The following PPP2R3A variants were observed in gnomAD, a reference collection of about 807,000 sequenced individuals.
The protein encoded by PPP2R3A is serine/threonine-protein phosphatase 2A regulatory subunit B'' subunit alpha.
PPP2R3A carries 80 observed loss-of-function variants against 106.9 expected under a neutral mutation model. The ratio of observed to expected loss-of-function variants is 0.75; its 90% CI spans 0.62 to 0.90. The LOEUF is 0.90. Ranked by LOEUF, PPP2R3A falls within the 40% of genes least tolerant of loss-of-function variation. PPP2R3A has a pLI of 0.00. For missense variants in PPP2R3A, 1,386 were observed against 1,350.4 expected (o/e 1.03, Z -0.41); for synonymous variants, 483 against 468.3 (o/e 1.03, Z -0.41).
chr3:136,001,477 A>G lies in PPP2R3A; in HGVS notation c.-22A>G. On this transcript the variant is annotated 5_prime_UTR_variant, in exon 2 of 14. Coordinates refer to ENST00000264977, the MANE Select transcript of PPP2R3A (RefSeq NM_002718.5). Reference sequence around the variant, plus strand: ...CAAGTTCTAGAAAGTTCCAAGTCCCACCAGTAAGTGGATTTGATATTATGG... The same window carrying G: ...CAAGTTCTAGAAAGTTCCAAGTCCCGCCAGTAAGTGGATTTGATATTATGG... 1 of 1,592,340 alleles carries G rather than the reference A, an allele frequency of 6.3e-7. No homozygotes were observed. Among genetic ancestry groups the G allele is most frequent in the Middle Eastern group, 1.7e-4 (1 of 5,952 alleles).
chr3:136,003,139 C>G lies in PPP2R3A; in HGVS notation c.1641C>G (p.Thr547=). Residue 547 remains threonine, a synonymous_variant, in exon 2 of 14, where the codon ACC becomes ACG. Transcript: ENST00000264977. ...TTTTAAATAGTCACAGTCAGTTGAC[C>G]GGTCAGACCCTTGTAGATCTTGAGC... is the stretch of plus-strand genomic sequence containing the variant. ...SNFLNSHSQL[T]GQTLVDLEPK... is the part of the protein sequence containing the mutation. 1.2e-6 allele frequency: 2 copies of G among 1,612,824 alleles called. No individual in the cohort carries two copies. Among genetic ancestry groups the G allele is most frequent in the Non-Finnish European group, 1.7e-6 (2 of 1,179,586 alleles).
chr3:136,117,069 T>G (rs967266196), intron 13 of PPP2R3A, among the ~76,000 whole-genome samples: 1 of 152,136 alleles, frequency 6.6e-6, no homozygotes, highest in Non-Finnish European at 1.5e-5. Context: ...AAATTAGAAC[T>G]CGGGATTAAG....
chr3:136,137,144 C>T (rs1938652115), intron 13 of PPP2R3A, among the ~76,000 whole-genome samples: 1 of 152,084 alleles, frequency 6.6e-6, no homozygotes, highest in African/African-American at 2.4e-5. Context: ...CAATGGAGTA[C>T]ATTAAAAACA....
chr3:136,128,609 A>G (rs756245121), intron 13 of PPP2R3A, among the ~76,000 whole-genome samples: 3 of 152,210 alleles, frequency 2.0e-5, no homozygotes, highest in African/African-American at 4.8e-5. Flanking sequence ...AGACAGATCA[A>G]TGAGACAGAA....
intron 3 of PPP2R3A, among the ~76,000 whole-genome samples, chr3:136,030,484 T>G (rs148643270): frequency 0.012 from 1,897 of 152,088 alleles, 45 homozygotes; most frequent in African/African-American, 0.043. Context: ...TTTGTGAGAT[T>G]TTGGTGCATC....
intron 11 of PPP2R3A, 50 bp from the exon 12 acceptor site, chr3:136,103,208 G>A: frequency 2.3e-6 from 3 of 1,308,076 alleles, no homozygotes; most frequent in Non-Finnish European, 3.2e-6. Context: ...TTTTCCTCTT[G>A]CCAAAACAGC....
At chr3:135,995,336 C>T (rs574522959) in intron 1 of PPP2R3A, among the ~76,000 whole-genome samples, 1 of 151,894 alleles carries the variant, frequency 6.6e-6, no homozygotes, top group Admixed American at 6.6e-5. Flanking sequence ...GATTATAAAA[C>T]TCATTATTTC....
At chr3:136,041,673 A>AT (rs58859041) in intron 4 of PPP2R3A, among the ~76,000 whole-genome samples, 100,368 of 152,006 alleles carry the variant, frequency 0.66, 35,259 homozygotes, top group African/African-American at 0.9. Context: ...TCATTCCCAT[A>AT]GATCCAATTT....
At chr3:135,969,541 A>G (rs912363598) in intron 1 of PPP2R3A, among the ~76,000 whole-genome samples, 2 of 152,204 alleles carry the variant, frequency 1.3e-5, no homozygotes, top group African/African-American at 2.4e-5. Context: ...GAGATTTTCA[A>G]GTGAGAGGTC....
intron 1 of PPP2R3A, among the ~76,000 whole-genome samples, chr3:135,986,277 A>G (rs1006136175): frequency 1.3e-5 from 2 of 152,104 alleles, no homozygotes; most frequent in Admixed American, 6.6e-5. Flanking sequence ...TTAAGTTTTC[A>G]GGAGGTAGAA....
intron 13 of PPP2R3A, among the ~76,000 whole-genome samples, chr3:136,126,300 G>A (rs1938178495): frequency 6.6e-6 from 1 of 152,242 alleles, no homozygotes; most frequent in Admixed American, 6.5e-5. Flanking sequence ...CTTAGCAACT[G>A]GCAGACAAGG....
In PPP2R3A at chr3:136,001,606, C is replaced by T; in HGVS notation, c.108C>T (p.His36=). Residue 36 remains histidine (H), a synonymous_variant, in exon 2 of 14, where the codon CAC becomes CAT. Transcript: ENST00000264977. The part of the protein sequence containing the change: ...QAIHYCTGTC[H]TFTHGIDCIV... Reference sequence around the variant, plus strand: ...TACATTATTGCACTGGAACCTGCCACACCTTCACACATGGAATTGACTGCA... The same window carrying T: ...TACATTATTGCACTGGAACCTGCCATACCTTCACACATGGAATTGACTGCA... 6.2e-7 allele frequency: 1 copy of T among 1,614,174 alleles called. No homozygotes were observed. The highest frequency in any genetic ancestry group is 8.5e-7 in the Non-Finnish European group (1 of 1,180,016).
chr3:136,078,153 AT>A (rs960061189), intron 6 of PPP2R3A, among the ~76,000 whole-genome samples: 2 of 152,104 alleles, frequency 1.3e-5, no homozygotes, highest in Non-Finnish European at 2.9e-5. Flanking sequence ...TGAGCAGAGA[AT>A]TTTTTTTATT....
chr3:136,081,781 A>T (rs1168425070), intron 7 of PPP2R3A, among the ~76,000 whole-genome samples: 1 of 152,202 alleles, frequency 6.6e-6, no homozygotes, highest in Non-Finnish European at 1.5e-5. Context: ...TGCCTATGCC[A>T]GGCCACCATG....
chr3:136,127,215 C>G (rs1287027501), intron 13 of PPP2R3A, among the ~76,000 whole-genome samples: 1 of 152,154 alleles, frequency 6.6e-6, no homozygotes, highest in Non-Finnish European at 1.5e-5. Flanking sequence ...TAACAAACTT[C>G]ACCAAGCTAA....
intron 4 of PPP2R3A, among the ~76,000 whole-genome samples, chr3:136,046,041 A>G (rs970632426): frequency 2.0e-5 from 3 of 152,020 alleles, no homozygotes; most frequent in African/African-American, 4.8e-5. Context: ...GCCAGGCATG[A>G]TGGTATGAAC....
chr3:135,987,817 C>A (rs1932985186), intron 1 of PPP2R3A, among the ~76,000 whole-genome samples: 1 of 152,162 alleles, frequency 6.6e-6, no homozygotes, highest in African/African-American at 2.4e-5. Flanking sequence ...TGCTCAATAG[C>A]CACATGTAGG....
intron 1 of PPP2R3A, among the ~76,000 whole-genome samples, chr3:135,997,142 G>A (rs553095771): frequency 1.6e-4 from 25 of 152,174 alleles, no homozygotes; most frequent in African/African-American, 3.6e-4. Context: ...TCTAGCTGCC[G>A]TTTTATAGCC....
intron 13 of PPP2R3A, among the ~76,000 whole-genome samples, chr3:136,130,172 C>T (rs1439560008): frequency 1.3e-5 from 2 of 152,070 alleles, no homozygotes; most frequent in African/African-American, 2.4e-5. Context: ...CCAGGGCAGT[C>T]AGGCAAGAGA....
Sources: allele counts gnomAD v4.1 joint callset (sites outside exome capture counted in the v4.1 genomes callset), GRCh38; gene constraint gnomAD v4.1.1; transcripts MANE v1.5; gene names NCBI Gene and HGNC (gene_info 2026-07-23, HGNC 2026-07-21).